Variants in CTNND2 observed in about 807,000 individuals in gnomAD.
CTNND2 encodes catenin delta-2.
CTNND2 carries 22 observed loss-of-function variants against 144.4 expected under a neutral mutation model. The observed-to-expected ratio is 0.15, with a 90% CI of 0.11 to 0.22. CTNND2 has a LOEUF of 0.22. Among genes scored for constraint, CTNND2 ranks in the 10% least tolerant of loss-of-function variants. The probability of loss-of-function intolerance (pLI) is 1.00; values close to 1 mark genes in which losing one functional copy is unlikely to be tolerated. For missense variants in CTNND2, 1,353 were observed against 1,618.8 expected (o/e 0.84, Z 2.82); for synonymous variants, 751 against 695.6 (o/e 1.08, Z -1.25).
intron 3 of CTNND2, among the ~76,000 whole-genome samples, chr5:11,550,873 G>A (rs1295757001): frequency 1.3e-5 from 2 of 152,188 alleles, no homozygotes; most frequent in Non-Finnish European, 2.9e-5. Context: ...CCTACCAAAT[G>A]TTTTGTTAAA....
At chr5:11,523,517 G>C (rs1424501087) in intron 3 of CTNND2, among the ~76,000 whole-genome samples, 1 of 152,036 alleles carries the variant, frequency 6.6e-6, no homozygotes, top group Non-Finnish European at 1.5e-5. Context: ...ACCTACAAAG[G>C]GGCATTTCTC....
At chr5:11,678,480 G>A (rs1784277240) in intron 2 of CTNND2, among the ~76,000 whole-genome samples, 1 of 152,128 alleles carries the variant, frequency 6.6e-6, no homozygotes, top group Admixed American at 6.5e-5. Flanking sequence ...TGACGATGGA[G>A]TCTTTGATAG....
intron 1 of CTNND2, among the ~76,000 whole-genome samples, chr5:11,855,952 C>T (rs1228060587): frequency 6.6e-6 from 1 of 152,216 alleles, no homozygotes; most frequent in African/African-American, 2.4e-5. Context: ...TTTATCTAAG[C>T]TACTCATTTA....
At chr5:10,976,234 G>A (rs1426740305) in intron 21 of CTNND2, among the ~76,000 whole-genome samples, 1 of 151,604 alleles carries the variant, frequency 6.6e-6, no homozygotes, top group Non-Finnish European at 1.5e-5. Context: ...TGGTATGGAC[G>A]TTTGCTGGTG....
rs536408238 is a variant in CTNND2, at chr5:11,234,350, C to T, written c.1761+2341G>A. 2.5e-4 allele frequency among the ~76,000 whole-genome samples: 38 copies of T among 152,332 alleles called. 1 individual carries two copies. Among genetic ancestry groups the T allele is most frequent in the African/African-American group, 7.7e-4 (32 of 41,582 alleles). On this transcript the variant is annotated intron_variant, in intron 10 of 21. Coordinates refer to ENST00000304623, the MANE Select transcript of CTNND2 (RefSeq NM_001332.4). ...AGGTGGATGAATGCACATTTCGCTA[C>T]TAAGCAGTTTGTATATGTTAAGTCA...
intron 2 of CTNND2, among the ~76,000 whole-genome samples, chr5:11,672,624 C>A (rs1783934302): frequency 6.6e-6 from 1 of 152,180 alleles, no homozygotes; most frequent in African/African-American, 2.4e-5. Context: ...GCCCCTCCCC[C>A]AACCAAGCTT....
intron 3 of CTNND2, among the ~76,000 whole-genome samples, chr5:11,430,052 C>A (rs1462533631): frequency 6.6e-6 from 1 of 151,778 alleles, no homozygotes; most frequent in African/African-American, 2.4e-5. Flanking sequence ...GAGTTTGAGA[C>A]CAGCCTGGCC....
chr5:11,798,292 C>T (rs1008151202), intron 1 of CTNND2, among the ~76,000 whole-genome samples: 3 of 148,932 alleles, frequency 2.0e-5, no homozygotes, highest in African/African-American at 7.4e-5. Context: ...TGTGTGTCTT[C>T]AAACCAAGAT....
chr5:11,380,570 G>A (rs570247182), intron 7 of CTNND2, among the ~76,000 whole-genome samples: 278 of 152,264 alleles, frequency 1.8e-3, no homozygotes, highest in African/African-American at 5.6e-3. Flanking sequence ...AAGCAGATAT[G>A]ATTTTTTTAA....
intron 16 of CTNND2, among the ~76,000 whole-genome samples, chr5:11,075,345 G>A (rs1358986042): frequency 1.3e-5 from 2 of 152,234 alleles, no homozygotes; most frequent in African/African-American, 2.4e-5. Context: ...AAAGCCCAGC[G>A]TGAAAAGTGG....
At chr5:11,068,944 A>C (rs1747922399) in intron 16 of CTNND2, among the ~76,000 whole-genome samples, 1 of 152,216 alleles carries the variant, frequency 6.6e-6, no homozygotes, top group South Asian at 2.1e-4. Context: ...CAAAAAAATA[A>C]GAATCTGCTA....
At chr5:11,372,212 C>T (rs1395338615) in intron 7 of CTNND2, among the ~76,000 whole-genome samples, 1 of 152,160 alleles carries the variant, frequency 6.6e-6, no homozygotes, top group Non-Finnish European at 1.5e-5. Flanking sequence ...ATTTAAAAGT[C>T]AAAATCACTG....
chr5:11,133,117 T>C (rs1315332690), intron 12 of CTNND2, among the ~76,000 whole-genome samples: 4 of 152,138 alleles, frequency 2.6e-5, no homozygotes, highest in Admixed American at 2.6e-4. Context: ...AATGAAAATA[T>C]CGCATATGGA....
At chr5:11,253,317 T>C (rs1743863074) in intron 9 of CTNND2, among the ~76,000 whole-genome samples, 1 of 152,350 alleles carries the variant, frequency 6.6e-6, no homozygotes, top group African/African-American at 2.4e-5. Context: ...ACTATTGATA[T>C]GGTTTGGCTG....
At chr5:11,457,304 G>A (rs1453945698) in intron 3 of CTNND2, among the ~76,000 whole-genome samples, 1 of 152,084 alleles carries the variant, frequency 6.6e-6, no homozygotes, top group Non-Finnish European at 1.5e-5. Flanking sequence ...CTCAGAGTCT[G>A]AGGGAGGAGG....
chr5:10,978,991 C>A (rs1466206159), intron 21 of CTNND2, among the ~76,000 whole-genome samples: 11 of 152,292 alleles, frequency 7.2e-5, no homozygotes. Context: ...ATGCCAGAGA[C>A]CCCTGGCCAT....
At chr5:11,080,053 ATAT>A (rs1392342334) in intron 16 of CTNND2, among the ~76,000 whole-genome samples, 2 of 152,222 alleles carry the variant, frequency 1.3e-5, no homozygotes, top group Admixed American at 1.3e-4. Context: ...TTGGGAGAAA[ATAT>A]TATTAGTAAC....
chr5:11,654,477 T>C (rs1782809851), intron 2 of CTNND2, among the ~76,000 whole-genome samples: 1 of 152,084 alleles, frequency 6.6e-6, no homozygotes, highest in Non-Finnish European at 1.5e-5. Flanking sequence ...ATTTTTATTT[T>C]TTTTGATGTT....
At chr5:11,795,907 A>C (rs1013212007) in intron 1 of CTNND2, among the ~76,000 whole-genome samples, 1 of 152,236 alleles carries the variant, frequency 6.6e-6, no homozygotes, top group African/African-American at 2.4e-5. Context: ...TCAGCAGGCC[A>C]TATCAAGCCA....
Sources: gnomAD v4.1 joint callset for allele counts (sites outside exome capture counted in the v4.1 genomes callset) on GRCh38, gnomAD v4.1.1 for gene constraint, MANE v1.5 for transcripts, NCBI Gene and HGNC (gene_info 2026-07-23, HGNC 2026-07-21) for gene names.